The following ZNF490 variants were observed in gnomAD, a reference collection of about 807,000 sequenced individuals.
ZNF490 encodes zinc finger protein 490.
A neutral mutation model predicts 17.7 loss-of-function variants in ZNF490; 11 were observed. The observed-to-expected ratio is 0.62, with a 90% confidence interval of 0.39 to 1.03. ZNF490 has a LOEUF of 1.03. Ranked by LOEUF, ZNF490 falls within the 50% of genes least tolerant of loss-of-function variation. The pLI is 0.00. For missense variants in ZNF490, 542 were observed against 643.4 expected (o/e 0.84, Z 1.71); for synonymous variants, 222 against 216.1 (o/e 1.03, Z -0.24).
At chr19:12,588,293 G>A (rs908163100) in intron 2 of ZNF490, among the ~76,000 whole-genome samples, 2 of 152,064 alleles carry the variant, frequency 1.3e-5, no homozygotes, top group Non-Finnish European at 1.5e-5. Flanking sequence ...CACCATGCCC[G>A]GCCAACACTA....
chr19:12,602,511 C>A (rs975575733), intron 2 of ZNF490, among the ~76,000 whole-genome samples: 6 of 152,086 alleles, frequency 3.9e-5, no homozygotes, highest in African/African-American at 1.4e-4. Flanking sequence ...GATGATGCCA[C>A]TGGACTCCAA....
intron 2 of ZNF490, among the ~76,000 whole-genome samples, chr19:12,607,703 A>C (rs1347582416): frequency 6.6e-6 from 1 of 150,626 alleles, no homozygotes; most frequent in South Asian, 2.1e-4. Flanking sequence ...GGAGCTTGAG[A>C]CCAGCCTGGG....
rs1473415630 is a variant in ZNF490 at position 12,586,705 on chromosome 19, CAG to C, written c.163-3151_163-3150del. ...TATTTCTTTTCTTTTTTTTTTGAGA[CAG>C]AGTCTTACTCTGTTGCCTAGGCTGG... On this transcript the variant is annotated intron_variant, in intron 2 of 4. Transcript: ENST00000311437. 3.2e-5 allele frequency among the ~76,000 whole-genome samples: 3 copies of C among 92,552 alleles called. 1 individual carries two copies. The highest frequency in any genetic ancestry group is 2.0e-4 in the East Asian group (1 of 4,902). 60.7% of individuals were successfully genotyped at this position (92,552 alleles called of 152,430 possible). A position where few individuals can be genotyped will look rare whatever the true frequency, so the allele number is the denominator to read the frequency against.
chr19:12,596,392 C>T (rs1415826264), intron 2 of ZNF490, among the ~76,000 whole-genome samples: 4 of 151,898 alleles, frequency 2.6e-5, no homozygotes, highest in African/African-American at 9.7e-5. Context: ...AAGGTAAATA[C>T]ATTCACAAGG....
intron 2 of ZNF490, among the ~76,000 whole-genome samples, chr19:12,597,686 T>C (rs2022951081): frequency 6.6e-6 from 1 of 152,244 alleles, no homozygotes. Context: ...CTCATATAGG[T>C]GGAATTATTC....
In ZNF490 at chr19:12,587,869, T is replaced by C. The variant is rs1453790023; in HGVS notation, c.163-4313A>G. 2.2e-5 allele frequency among the ~76,000 whole-genome samples: 2 copies of C among 89,528 alleles called. 1 individual carries two copies. Among genetic ancestry groups the C allele is most frequent in the Admixed American group, 2.1e-4 (2 of 9,524 alleles). The allele number at this position is 89,528 out of a possible 152,430, so 58.7% of individuals were successfully genotyped here. A position where few individuals can be genotyped will look rare whatever the true frequency, so the allele number is the denominator to read the frequency against. On this transcript the variant is annotated intron_variant, in intron 2 of 4. Transcript: ENST00000311437. Reference sequence around the variant, plus strand: ...CACTACCACACCCAGCTAATATTTTTTGTTTGTTTGTTTGTTTGAGTCGAA... The same window carrying C: ...CACTACCACACCCAGCTAATATTTTCTGTTTGTTTGTTTGTTTGAGTCGAA...
In ZNF490 at chr19:12,576,289, C is replaced by A. The variant is rs532485683; in HGVS notation, c.*4196G>T. Among the ~76,000 whole-genome samples the A allele has an allele frequency of 6.6e-6, 1 of 152,172 alleles. No individual in the cohort carries two copies. Among genetic ancestry groups the A allele is most frequent in the South Asian group, 2.1e-4 (1 of 4,812 alleles). On this transcript the variant is annotated 3_prime_UTR_variant, in exon 5 of 5. Coordinates refer to ENST00000311437, the MANE Select transcript of ZNF490 (RefSeq NM_020714.3). ...TTGAGAGGCCGAGGCAGGCAGATCA[C>A]AAGGTCAGGAGGGCGAGACCATCCT...
Position 12,577,833 on chromosome 19 carries a change from C to T in ZNF490, c.*2652G>A. On this transcript the variant is annotated 3_prime_UTR_variant, in exon 5 of 5. Transcript: ENST00000311437. The stretch of plus-strand genomic sequence containing the variant: ...ACGAGGGTGGATGGTGACCTGGTTT[C>T]CCTCAATGCTGCCACCTCCCTTCTA... 1 of 985,520 alleles carries T rather than the reference C, an allele frequency of 1.0e-6. No individual in the cohort carries two copies. The highest frequency in any genetic ancestry group is 1.2e-6 in the Non-Finnish European group (1 of 830,044). 61.0% of individuals were successfully genotyped at this position (985,520 alleles called of 1,614,324 possible).
At position 12,581,289 on chromosome 19, in the gene ZNF490, G is replaced by A; in HGVS notation, c.786C>T (p.Leu262=). The A allele has an allele frequency of 6.2e-7, 1 of 1,614,132 alleles. No individual in the cohort carries two copies. Among genetic ancestry groups the A allele is most frequent in the Non-Finnish European group, 8.5e-7 (1 of 1,180,024 alleles). Residue 262 remains leucine (L), a synonymous_variant, in exon 5 of 5, where the codon CTC becomes CTT. Coordinates refer to ENST00000311437, the MANE Select transcript of ZNF490 (RefSeq NM_020714.3). Reference sequence around the variant, plus strand: ...TTTTTTCATGGCGCCGAAGAGCAGTGAGATATCTGAATGCCTTCCCACATT... The same window carrying A: ...TTTTTTCATGGCGCCGAAGAGCAGTAAGATATCTGAATGCCTTCCCACATT... ...CKECGKAFRY[L]TALRRHEKNH... is the part of the protein sequence containing the mutation.
At position 12,580,926 on chromosome 19, in the gene ZNF490, A is replaced by C. The variant is rs2022723046; in HGVS notation, c.1149T>G (p.Thr383=). 6.2e-7 allele frequency: 1 copy of C among 1,614,074 alleles called. No individual in the cohort carries two copies. Among genetic ancestry groups the C allele is most frequent in the Non-Finnish European group, 8.5e-7 (1 of 1,180,040 alleles). The change falls in exon 5 of 5, where the codon ACT becomes ACG. Residue 383 remains threonine, a synonymous_variant. Coordinates refer to ENST00000311437, the MANE Select transcript of ZNF490 (RefSeq NM_020714.3). ...SSSSCEVHER[T]HFGEKPYECK... is the part of the protein sequence containing the mutation. ...ATTCATAGGGTTTTTCTCCAAAATG[A>C]GTTCTTTCGTGCACTTCACAGGAAC... is the stretch of plus-strand genomic sequence containing the variant.
rs56761414 is a variant in ZNF490, at chr19:12,604,661, C to CAAA, written c.162+4494_162+4496dup. Among the ~76,000 whole-genome samples the CAAA allele has an allele frequency of 8.5e-5, 12 of 140,594 alleles. 1 individual carries two copies. Among genetic ancestry groups the CAAA allele is most frequent in the African/African-American group, 2.4e-4 (9 of 37,832 alleles). 92.2% of individuals were successfully genotyped at this position (140,594 alleles called of 152,430 possible). On this transcript the variant is annotated intron_variant, in intron 2 of 4. Coordinates refer to ENST00000311437, the MANE Select transcript of ZNF490 (RefSeq NM_020714.3). Reference sequence around the variant, plus strand: ...TGGGCAAAAGAGTGAGACTCTATCTCAAAAAAAAAAAAATTAGCCAGGCGT... The same window carrying CAAA: ...TGGGCAAAAGAGTGAGACTCTATCTCAAAAAAAAAAAAAAAATTAGCCAGGCGT...
At chr19:12,602,107 C>T (rs1038588353) in intron 2 of ZNF490, among the ~76,000 whole-genome samples, 2 of 150,724 alleles carry the variant, frequency 1.3e-5, no homozygotes, top group Non-Finnish European at 3.0e-5. Flanking sequence ...CACACACACA[C>T]ACACACACAC....
chr19:12,586,300 AAAAATAAAAT>A (rs972044002), intron 2 of ZNF490, among the ~76,000 whole-genome samples: 3 of 92,934 alleles, frequency 3.2e-5, no homozygotes, highest in African/African-American at 3.2e-5. Flanking sequence ...CTCCACCTCA[AAAAATAAAAT>A]AAAATAAAAT....
chr19:12,589,074 C>T lies in ZNF490; in HGVS notation c.163-5518G>A, dbSNP rs142709574. ...TGGTGGCTCACGCCTGTAATCCCAGCGCTTTGGGAGGCTGAGTCAGGCAGA... is the reference window on the plus strand; with the variant it reads ...TGGTGGCTCACGCCTGTAATCCCAGTGCTTTGGGAGGCTGAGTCAGGCAGA... On this transcript the variant is annotated intron_variant, in intron 2 of 4. Transcript: ENST00000311437. Among the ~76,000 whole-genome samples, 216 of 152,274 alleles carry T rather than the reference C, an allele frequency of 1.4e-3. 2 individuals are homozygous for T. In the Middle Eastern group the frequency reaches 0.024, roughly 17 times the overall value.
At position 12,578,732 on chromosome 19, in the gene ZNF490, C is replaced by T; in HGVS notation, c.*1753G>A. 1 of 985,466 alleles carries T rather than the reference C, an allele frequency of 1.0e-6. No homozygotes were observed. Among genetic ancestry groups the T allele is most frequent in the Non-Finnish European group, 1.2e-6 (1 of 829,956 alleles). 61.0% of individuals were successfully genotyped at this position (985,466 alleles called of 1,614,324 possible). A position where few individuals can be genotyped will look rare whatever the true frequency, so the allele number is the denominator to read the frequency against. ...GCAGATTCTGGGAGTCTTCTCACTT[C>T]TCTCCAGTCATGTGTGAGAGCTGAG... On this transcript the variant is annotated 3_prime_UTR_variant, in exon 5 of 5. Transcript: ENST00000311437.
chr19:12,578,278 G>A lies in ZNF490; in HGVS notation c.*2207C>T, dbSNP rs2022672621. ...AAGTTAGGGGAGGTAAGAATTCTGA[G>A]TGTCCTACAGCTAAGACATGGCAGA... is the stretch of plus-strand genomic sequence containing the variant. On this transcript the variant is annotated 3_prime_UTR_variant, in exon 5 of 5. Transcript: ENST00000311437. 3.0e-6 allele frequency: 3 copies of A among 985,522 alleles called. No homozygotes were observed. The African/African-American group carries it at 5.2e-5, about 17-fold the overall frequency. 61.0% of individuals were successfully genotyped at this position (985,522 alleles called of 1,614,324 possible).
rs1009702530 is a variant in ZNF490, at chr19:12,578,639, C to A, written c.*1846G>T. 2 of 985,276 alleles carry A rather than the reference C, an allele frequency of 2.0e-6. No homozygotes were observed. Among genetic ancestry groups the A allele is most frequent in the African/African-American group, 1.7e-5 (1 of 57,208 alleles). The allele number at this position is 985,276 out of a possible 1,614,324, so 61.0% of individuals were successfully genotyped here. A position where few individuals can be genotyped will look rare whatever the true frequency, so the allele number is the denominator to read the frequency against. ...CCACTTGGGGAAAAACTGTAAGATG[C>A]GAACCTTTGTCTTAGAAGTACAGCA... On this transcript the variant is annotated 3_prime_UTR_variant, in exon 5 of 5. Transcript: ENST00000311437.
At chr19:12,588,714 T>A (rs1325223372) in intron 2 of ZNF490, among the ~76,000 whole-genome samples, 1 of 152,172 alleles carries the variant, frequency 6.6e-6, no homozygotes, top group African/African-American at 2.4e-5. Flanking sequence ...ATATCTCACA[T>A]TCTGGTAAAT....
intron 2 of ZNF490, among the ~76,000 whole-genome samples, chr19:12,583,804 TATA>T (rs2022776794): frequency 8.4e-6 from 1 of 118,396 alleles, no homozygotes; most frequent in Admixed American, 9.5e-5. Context: ...TATATATATA[TATA>T]TATATTTTTT....
Sources: allele counts gnomAD v4.1 joint callset (sites outside exome capture counted in the v4.1 genomes callset), GRCh38; gene constraint gnomAD v4.1.1; transcripts MANE v1.5; gene names NCBI Gene and HGNC (gene_info 2026-07-23, HGNC 2026-07-21).